The following WNK1 variants were observed in gnomAD, a reference collection of about 807,000 sequenced individuals.
WNK1 encodes the protein serine/threonine-protein kinase WNK1.
Under a neutral mutation model 222.8 loss-of-function variants are expected in WNK1, and 38 were observed. The observed-to-expected ratio is 0.17, with a 90% confidence interval of 0.13 to 0.22. WNK1 has a LOEUF of 0.22. Ranked by LOEUF, WNK1 falls within the 10% of genes least tolerant of loss-of-function variation. The probability of loss-of-function intolerance (pLI) is 1.00; values close to 1 mark genes in which losing one functional copy is unlikely to be tolerated. For missense variants in WNK1, 2,348 were observed against 2,918.4 expected (o/e 0.80, Z 4.50); for synonymous variants, 1,090 against 1,092.9 (o/e 1.00, Z 0.05).
chr12:879,545 T>C (rs1306109895), intron 10 of WNK1, 28 bp from the exon 11 acceptor site: 2 of 1,072,376 alleles, frequency 1.9e-6, no homozygotes, highest in East Asian at 4.9e-5. Flanking sequence ...TTTAAGCCTG[T>C]CTGTTTTGTT....
rs1403282464 is a variant in WNK1 at position 897,582 on chromosome 12, G to A, written c.6349G>A (p.Ala2117Thr). 6.2e-7 allele frequency: 1 copy of A among 1,614,144 alleles called. No individual in the cohort carries two copies. Among genetic ancestry groups the A allele is most frequent in the East Asian group, 2.2e-5 (1 of 44,884 alleles). Residue 2117 changes from alanine to threonine, a missense_variant, in exon 25 of 28, where the codon GCT becomes ACT. Ala to Thr is a moderately conservative substitution (Grantham distance 58, BLOSUM62 0). This residue lies in a region of WNK1 where 1,144 missense variants were observed against 1,273.6 expected (regional missense o/e 0.90). Coordinates refer to ENST00000315939, the MANE Select transcript of WNK1 (RefSeq NM_018979.4). The stretch of plus-strand genomic sequence containing the variant: ...GCCCCCTGCTGTTATTATTCCCCCA[G>A]CTGCTCCCCTTTCAGGGAGAAGACG... ...KVPPAVIIPPAAPLSGRRRRP... is the reference protein window; with the variant it reads ...KVPPAVIIPPTAPLSGRRRRP...
chr12:873,208 G>A (rs1952309593), intron 9 of WNK1, among the ~76,000 whole-genome samples: 1 of 152,094 alleles, frequency 6.6e-6, no homozygotes, highest in Admixed American at 6.5e-5. Flanking sequence ...TTTTCCAAAG[G>A]AATTGGTTAT....
At position 911,322 on chromosome 12, in the gene WNK1, C is replaced by T. The variant is rs940405065; in HGVS notation, c.*2530C>T. ...CAAACTTTGGGGGTTTCTCAGCAGC[C>T]GTTAATTGTACATTTTGCACTAACT... On this transcript the variant is annotated 3_prime_UTR_variant, in exon 28 of 28. Transcript: ENST00000315939. 2.5e-6 allele frequency: 1 copy of T among 398,344 alleles called. No individual in the cohort carries two copies. The highest frequency in any genetic ancestry group is 4.4e-5 in the Admixed American group (1 of 22,726). The allele number at this position is 398,344 out of a possible 1,614,324, so 24.7% of individuals were successfully genotyped here. A position where few individuals can be genotyped will look rare whatever the true frequency, so the allele number is the denominator to read the frequency against.
At chr12:847,659 C>T (rs745553534) in intron 4 of WNK1, among the ~76,000 whole-genome samples, 2 of 151,844 alleles carry the variant, frequency 1.3e-5, no homozygotes, top group African/African-American at 4.8e-5. Context: ...ACCATTGATT[C>T]GGCCCGTACT....
intron 4 of WNK1, among the ~76,000 whole-genome samples, chr12:841,326 C>T (rs531629718): frequency 5.2e-4 from 79 of 152,278 alleles, no homozygotes; most frequent in East Asian, 5.8e-4. Context: ...TTTGATTTTC[C>T]TATTCTAGGT....
At chr12:823,394 A>G (rs1948067706) in intron 2 of WNK1, among the ~76,000 whole-genome samples, 1 of 152,164 alleles carries the variant, frequency 6.6e-6, no homozygotes, top group Non-Finnish European at 1.5e-5. Context: ...TTCTTTATCT[A>G]GGACTCCCAT....
intron 1 of WNK1, among the ~76,000 whole-genome samples, chr12:807,140 G>C (rs929272105): frequency 1.3e-5 from 2 of 151,980 alleles, no homozygotes; most frequent in Non-Finnish European, 2.9e-5. Context: ...GTGGGGAGTG[G>C]GTGGGAAGGT....
intron 1 of WNK1, among the ~76,000 whole-genome samples, chr12:765,580 A>T (rs1941591918): frequency 8.3e-6 from 1 of 120,204 alleles, no homozygotes. Context: ...ATTGCAGAAA[A>T]TTCTTTTGGA....
chr12:865,266 GA>G lies in WNK1; in HGVS notation c.2139+3000del. The G allele has an allele frequency of 6.5e-7, 1 of 1,535,968 alleles. No homozygotes were observed. Among genetic ancestry groups the G allele is most frequent in the Non-Finnish European group, 8.7e-7 (1 of 1,146,860 alleles). The stretch of plus-strand genomic sequence containing the variant: ...GGACTGCCCCGAGGAAACTTTTGCC[GA>G]AAAGCTTTCTAAAGCATTGGAGAGT... On this transcript the variant is annotated intron_variant, in intron 8 of 27. Coordinates refer to ENST00000315939, the MANE Select transcript of WNK1 (RefSeq NM_018979.4).
intron 22 of WNK1, among the ~76,000 whole-genome samples, chr12:892,623 A>G (rs544205365): frequency 2.1e-4 from 32 of 152,222 alleles, no homozygotes; most frequent in Non-Finnish European, 3.8e-4. Flanking sequence ...ATGTGTAGTC[A>G]TATCACAAAA....
intron 1 of WNK1, among the ~76,000 whole-genome samples, chr12:807,415 T>C (rs1489873694): frequency 6.6e-6 from 1 of 151,544 alleles, no homozygotes; most frequent in Middle Eastern, 3.2e-3. Flanking sequence ...ACTGGGCTTA[T>C]TTTTTTTCTT....
chr12:832,298 A>C (rs1431838103), intron 4 of WNK1, among the ~76,000 whole-genome samples: 1 of 152,066 alleles, frequency 6.6e-6, no homozygotes, highest in Non-Finnish European at 1.5e-5. Context: ...GATGGTCTCG[A>C]TCTCCTGACC....
intron 1 of WNK1, among the ~76,000 whole-genome samples, chr12:802,236 G>A (rs1304821271): frequency 6.6e-6 from 1 of 152,124 alleles, no homozygotes; most frequent in Admixed American, 6.5e-5. Flanking sequence ...TAGTTACGAG[G>A]ATGCTAAAAT....
chr12:758,958 C>T (rs1940617580), intron 1 of WNK1, among the ~76,000 whole-genome samples: 1 of 146,678 alleles, frequency 6.8e-6, no homozygotes, highest in South Asian at 2.2e-4. Context: ...GATGCAAGAG[C>T]CTAGTCATTT....
intron 1 of WNK1, among the ~76,000 whole-genome samples, chr12:784,755 G>T (rs1231176575): frequency 6.6e-6 from 1 of 152,064 alleles, no homozygotes; most frequent in Non-Finnish European, 1.5e-5. Context: ...ATTTGTACTG[G>T]TTGCATTCTA....
At position 868,172 on chromosome 12, in the gene WNK1, A is replaced by G. The variant is rs142624740; in HGVS notation, c.2140-3093A>G. ...TAGAGTAACTGGAGAGTCATGTGAG[A>G]TACAGGTCCATCCTATGTTTGAACC... On this transcript the variant is annotated intron_variant, in intron 8 of 27. Coordinates refer to ENST00000315939, the MANE Select transcript of WNK1 (RefSeq NM_018979.4). 8 of 1,613,898 alleles carry G rather than the reference A, an allele frequency of 5.0e-6. No individual in the cohort carries two copies. In the Admixed American group the frequency reaches 1.3e-4, roughly 27 times the overall value.
chr12:795,218 G>C (rs1945193013), intron 1 of WNK1, among the ~76,000 whole-genome samples: 1 of 151,750 alleles, frequency 6.6e-6, no homozygotes, highest in South Asian at 2.1e-4. Flanking sequence ...TCTGGGCCTG[G>C]GCTTTTCATT....
rs908551832 is a variant in WNK1 at position 853,797 on chromosome 12, C to T, written c.1312-3364C>T. ...ACAGGGTCTCACTGTGTCACCCAGG[C>T]GAGAGTGCAGTGGCACAATCATGGC... On this transcript the variant is annotated intron_variant, in intron 4 of 27. Coordinates refer to ENST00000315939, the MANE Select transcript of WNK1 (RefSeq NM_018979.4). Among the ~76,000 whole-genome samples, 5 of 152,156 alleles carry T rather than the reference C, an allele frequency of 3.3e-5. No homozygotes were observed. In the East Asian group the frequency reaches 5.8e-4, roughly 18 times the overall value.
intron 1 of WNK1, among the ~76,000 whole-genome samples, chr12:770,345 A>G (rs1420213380): frequency 6.6e-6 from 1 of 152,218 alleles, no homozygotes; most frequent in Non-Finnish European, 1.5e-5. Flanking sequence ...GGAAATATTT[A>G]TAAGTAAGCA....
Sources: gnomAD v4.1 joint callset for allele counts (sites outside exome capture counted in the v4.1 genomes callset) on GRCh38, gnomAD v4.1.1 for gene constraint, gnomAD v4.1.1 regional missense constraint, MANE v1.5 for transcripts, NCBI Gene and HGNC (gene_info 2026-07-23, HGNC 2026-07-21) for gene names.